The following LYN variants were observed in gnomAD, a reference collection of about 807,000 sequenced individuals.
LYN encodes the protein tyrosine-protein kinase Lyn.
Under a neutral mutation model 65.0 loss-of-function variants are expected in LYN, and 12 were observed. The ratio of observed to expected loss-of-function variants is 0.18; its 90% CI spans 0.12 to 0.30. The LOEUF (loss-of-function observed/expected upper bound fraction) is 0.30, where lower values mean the gene tolerates loss of function less well. Ranked by LOEUF, LYN falls within the 10% of genes least tolerant of loss-of-function variation. The probability of loss-of-function intolerance (pLI) is 1.00; values close to 1 mark genes in which losing one functional copy is unlikely to be tolerated. For missense variants in LYN, 380 were observed against 623.2 expected, an observed-to-expected ratio of 0.61 and a Z score of 4.16; for synonymous variants, 222 against 221.2, an observed-to-expected ratio of 1.00 and a Z score of -0.03.
intron 1 of LYN, among the ~76,000 whole-genome samples, chr8:55,922,148 C>T (rs568690239): frequency 6.6e-6 from 1 of 152,302 alleles, no homozygotes; most frequent in East Asian, 1.9e-4. Context: ...AGTGCAGTGG[C>T]ATAAACACAG....
intron 12 of LYN, among the ~76,000 whole-genome samples, chr8:56,008,073 C>T (rs796118792): frequency 1.3e-4 from 19 of 150,450 alleles, no homozygotes; most frequent in African/African-American, 4.4e-4. Flanking sequence ...GAGCCAAGAT[C>T]GCTCCACTGC....
chr8:55,972,577 G>A (rs551146372), intron 10 of LYN, among the ~76,000 whole-genome samples: 2 of 152,082 alleles, frequency 1.3e-5, no homozygotes, highest in African/African-American at 4.8e-5. Context: ...GCTACCCAGT[G>A]CTCCTCCTCC....
intron 12 of LYN, among the ~76,000 whole-genome samples, chr8:56,002,016 C>G (rs1179015148): frequency 6.6e-6 from 1 of 152,180 alleles, no homozygotes; most frequent in Non-Finnish European, 1.5e-5. Flanking sequence ...CACGGCAGCT[C>G]ACACGTGTAA....
At chr8:55,962,497 G>A (rs866699868) in intron 8 of LYN, among the ~76,000 whole-genome samples, 49 of 152,140 alleles carry the variant, frequency 3.2e-4, no homozygotes, top group African/African-American at 1.1e-3. Flanking sequence ...GCTTCTGGGT[G>A]TGGCTATGGT....
chr8:55,909,609 A>G (rs1805540319), intron 1 of LYN, among the ~76,000 whole-genome samples: 1 of 152,232 alleles, frequency 6.6e-6, no homozygotes, highest in African/African-American at 2.4e-5. Context: ...TCTTTTGAGT[A>G]GATACCCAGC....
intron 1 of LYN, among the ~76,000 whole-genome samples, chr8:55,935,779 CAAAAAAAAAA>C (rs59848254): frequency 7.5e-5 from 7 of 93,888 alleles, no homozygotes; most frequent in Middle Eastern, 5.1e-3. Flanking sequence ...AGACTCCATC[CAAAAAAAAAA>C]AAAAAAAAAC....
chr8:55,988,957 G>A (rs17756527), intron 10 of LYN, among the ~76,000 whole-genome samples: 5,009 of 152,090 alleles, frequency 0.033, 170 homozygotes, highest in Non-Finnish European at 0.046. Flanking sequence ...CTCAAAAAGC[G>A]ATAGTAATTA....
chr8:55,937,529 G>A (rs1050361969), intron 1 of LYN, among the ~76,000 whole-genome samples: 9 of 152,084 alleles, frequency 5.9e-5, no homozygotes, highest in Admixed American at 5.2e-4. Context: ...TCATGCTAGC[G>A]GGAACATCCT....
At chr8:55,963,529 G>A (rs761182646) in intron 8 of LYN, among the ~76,000 whole-genome samples, 1 of 152,156 alleles carries the variant, frequency 6.6e-6, no homozygotes, top group Non-Finnish European at 1.5e-5. Flanking sequence ...CACAGAATGA[G>A]GCCTAGGGCA....
At chr8:55,952,864 T>A (rs1248196735) in intron 7 of LYN, among the ~76,000 whole-genome samples, 1 of 152,210 alleles carries the variant, frequency 6.6e-6, no homozygotes, top group Non-Finnish European at 1.5e-5. Context: ...TATTTAGAAG[T>A]GGCAGGTCAA....
chr8:55,882,589 G>C (rs116188338), intron 1 of LYN, among the ~76,000 whole-genome samples: 3,816 of 152,196 alleles, frequency 0.025, 164 homozygotes, highest in South Asian at 0.14. Context: ...ACATTGAAAG[G>C]CCACCACAAT....
chr8:55,900,791 A>G (rs1805239689), intron 1 of LYN, among the ~76,000 whole-genome samples: 1 of 152,106 alleles, frequency 6.6e-6, no homozygotes, highest in East Asian at 1.9e-4. Flanking sequence ...TTCTTTTGCT[A>G]AATACTTATC....
intron 8 of LYN, among the ~76,000 whole-genome samples, chr8:55,961,664 A>G (rs965319457): frequency 4.6e-5 from 7 of 151,916 alleles, no homozygotes; most frequent in Non-Finnish European, 7.4e-5. Context: ...ATACTTTTCT[A>G]TTTATAAGTC....
In LYN at chr8:56,011,462, G is replaced by C. The variant is rs1463905428; in HGVS notation, c.*1352G>C. 1 of 204,272 alleles carries C rather than the reference G, an allele frequency of 4.9e-6. No individual in the cohort carries two copies. The highest frequency in any genetic ancestry group is 2.3e-5 in the African/African-American group (1 of 43,718). The allele number at this position is 204,272 out of a possible 1,614,324, so 12.7% of individuals were successfully genotyped here. ...TCATCAGCTGGGGGCGGGGTGGTTA[G>C]AAGTGATTCAACAGAGCTACATGCT... On this transcript the variant is annotated 3_prime_UTR_variant, in exon 13 of 13. Transcript: ENST00000519728.
chr8:55,912,726 GA>G (rs11366178), intron 1 of LYN, among the ~76,000 whole-genome samples: 17,975 of 73,646 alleles, frequency 0.24, 2,287 homozygotes, highest in African/African-American at 0.51. Flanking sequence ...GACTCCATCT[GA>G]AAAAAAAAAA....
chr8:55,998,535 T>C (rs1321362499), intron 11 of LYN, 36 bp downstream of exon 11: 2 of 1,580,082 alleles, frequency 1.3e-6, no homozygotes, highest in Non-Finnish European at 1.7e-6. Context: ...TGTTTTATTA[T>C]TGTGTTTTAT....
At chr8:55,913,872 T>C (rs1805710261) in intron 1 of LYN, among the ~76,000 whole-genome samples, 1 of 152,124 alleles carries the variant, frequency 6.6e-6, no homozygotes, top group South Asian at 2.1e-4. Context: ...ATGAAGGGCC[T>C]TGGAGTACTG....
chr8:55,939,346 T>C lies in LYN; in HGVS notation c.-5-2509T>C, dbSNP rs79264935. On this transcript the variant is annotated intron_variant, in intron 1 of 12. Transcript: ENST00000519728. ...TTCGATGTTAAATTATCCATGACAA[T>C]GGTGGAAAGAAATTAAGCATAAATA... Among the ~76,000 whole-genome samples, 1,230 of 152,262 alleles carry C rather than the reference T, an allele frequency of 8.1e-3. 24 individuals are homozygous for C. Among genetic ancestry groups the C allele is most frequent in the African/African-American group, 0.028 (1,181 of 41,542 alleles).
At chr8:55,983,578 A>G (rs768355993) in intron 10 of LYN, among the ~76,000 whole-genome samples, 1 of 131,328 alleles carries the variant, frequency 7.6e-6, no homozygotes, top group Non-Finnish European at 1.6e-5. Context: ...CCCCAGCAGC[A>G]CAAGTCAGCA....
Sources: allele counts gnomAD v4.1 joint callset (sites outside exome capture counted in the v4.1 genomes callset), GRCh38; gene constraint gnomAD v4.1.1; transcripts MANE v1.5; gene names NCBI Gene and HGNC (gene_info 2026-07-23, HGNC 2026-07-21).